SNTB1: variants seen among roughly 807,000 people sequenced by gnomAD.
SNTB1 encodes the protein beta-1-syntrophin.
Under a neutral mutation model 48.9 loss-of-function variants are expected in SNTB1, and 36 were observed. That is an observed-to-expected ratio of 0.74 (90% CI 0.56 to 0.97). The LOEUF is 0.97. SNTB1 is among the 50% of genes least tolerant of loss of function. The probability of loss-of-function intolerance (pLI) is 0.00; values close to 1 mark genes in which losing one functional copy is unlikely to be tolerated. For synonymous variants in SNTB1, 299 were observed against 294.6 expected (o/e 1.01, Z -0.15); for missense variants, 786 against 703.4 (o/e 1.12, Z -1.33).
At chr8:120,698,890 AAAAT>A (rs1818257352) in intron 1 of SNTB1, among the ~76,000 whole-genome samples, 1 of 152,232 alleles carries the variant, frequency 6.6e-6, no homozygotes, top group Non-Finnish European at 1.5e-5. Flanking sequence ...CCTGGCAATC[AAAAT>A]AGTTAGGATA....
chr8:120,616,501 T>TG (rs1265228982), intron 3 of SNTB1, among the ~76,000 whole-genome samples: 1 of 133,268 alleles, frequency 7.5e-6, no homozygotes, highest in Non-Finnish European at 1.6e-5. Context: ...TTTGTAAAAA[T>TG]GGGGGGCTCT....
At position 120,548,758 on chromosome 8, in the gene SNTB1, T is replaced by C. The variant is rs754671121; in HGVS notation, c.1333+4A>G. On this transcript the variant is annotated splice_donor_region_variant and intron_variant, in intron 5 of 6. Coordinates refer to ENST00000517992, the MANE Select transcript of SNTB1 (RefSeq NM_021021.4). ...TGTCCTTGGTAGCTCACTGCAGTACTCACCAGTGCTGATTTCAGCAATGAG... is the reference window on the plus strand; with the variant it reads ...TGTCCTTGGTAGCTCACTGCAGTACCCACCAGTGCTGATTTCAGCAATGAG... 1 of 1,613,220 alleles carries C rather than the reference T, an allele frequency of 6.2e-7. No homozygotes were observed. The highest frequency in any genetic ancestry group is 1.3e-5 in the African/African-American group (1 of 74,906).
At position 120,812,040 on chromosome 8, in the gene SNTB1, C is replaced by T; in HGVS notation, c.-197G>A. The T allele has an allele frequency of 8.0e-7, 1 of 1,255,808 alleles. No homozygotes were observed. Among genetic ancestry groups the T allele is most frequent in the Non-Finnish European group, 9.9e-7 (1 of 1,005,220 alleles). 77.8% of individuals were successfully genotyped at this position (1,255,808 alleles called of 1,614,324 possible). A position where few individuals can be genotyped will look rare whatever the true frequency, so the allele number is the denominator to read the frequency against. ...GCAGCTGCACTCAGGCTGGTTCCCC[C>T]TCGCCTGATCCTGACCGGGGTGGAG... On this transcript the variant is annotated 5_prime_UTR_variant, in exon 1 of 7. Coordinates refer to ENST00000517992, the MANE Select transcript of SNTB1 (RefSeq NM_021021.4).
chr8:120,811,546 C>T lies in SNTB1; in HGVS notation c.298G>A (p.Glu100Lys), dbSNP rs756642925. The T allele has an allele frequency of 6.2e-7, 1 of 1,602,054 alleles. No homozygotes were observed. The highest frequency in any genetic ancestry group is 1.3e-5 in the African/African-American group (1 of 74,654). Residue 100 changes from glutamate to lysine, a missense_variant, in exon 1 of 7, where the codon GAG becomes AAG. Transcript: ENST00000517992. ...TTCGAGATGGACTCGGGCACCTGCT[C>T]GGGCAGGTCGGTGAAAGCGGTGCGG... ...GVRTAFTDLP[E>K]QVPESISNQK...
chr8:120,753,888 G>GA lies in SNTB1; in HGVS notation c.571+57384dup, dbSNP rs1245104965. Among the ~76,000 whole-genome samples the GA allele has an allele frequency of 2.6e-5, 4 of 152,138 alleles. 1 individual carries two copies. Among genetic ancestry groups the GA allele is most frequent in the Admixed American group, 2.6e-4 (4 of 15,264 alleles). On this transcript the variant is annotated intron_variant, in intron 1 of 6. Transcript: ENST00000517992. Reference sequence around the variant, plus strand: ...ACAATGAATTTTTCCTAATCAAGCTGAAATATCAAAAGATAGGAGCGAATT... The same window carrying GA: ...ACAATGAATTTTTCCTAATCAAGCTGAAAATATCAAAAGATAGGAGCGAATT...
chr8:120,548,699 G>T lies in SNTB1; in HGVS notation c.1333+63C>A. 3 of 1,471,906 alleles carry T rather than the reference G, an allele frequency of 2.0e-6. No homozygotes were observed. In the South Asian group the frequency reaches 3.5e-5, roughly 17 times the overall value. The allele number at this position is 1,471,906 out of a possible 1,614,324, so 91.2% of individuals were successfully genotyped here. Reference sequence around the variant, plus strand: ...GTGATGAAAACTACTTTAAGGCCCCGGTGGAGTAGAGGGTTCATCTTCCCG... The same window carrying T: ...GTGATGAAAACTACTTTAAGGCCCCTGTGGAGTAGAGGGTTCATCTTCCCG... On this transcript the variant is annotated intron_variant, in intron 5 of 6. Coordinates refer to ENST00000517992, the MANE Select transcript of SNTB1 (RefSeq NM_021021.4).
At position 120,655,024 on chromosome 8, in the gene SNTB1, A is replaced by C. The variant is rs1278408676; in HGVS notation, c.789-22373T>G. On this transcript the variant is annotated intron_variant, in intron 2 of 6. Transcript: ENST00000517992. ...TCGCCTTCAGTTCCTCAAATCTGTGATTCCTATGGCTGATGAAAAATACTT... is the reference window on the plus strand; with the variant it reads ...TCGCCTTCAGTTCCTCAAATCTGTGCTTCCTATGGCTGATGAAAAATACTT... The C allele has an allele frequency of 1.1e-5, 5 of 455,846 alleles. No homozygotes were observed. The East Asian group carries it at 3.5e-4, about 32-fold the overall frequency. 28.2% of individuals were successfully genotyped at this position (455,846 alleles called of 1,614,324 possible).
intron 1 of SNTB1, among the ~76,000 whole-genome samples, chr8:120,762,594 T>C (rs1037840379): frequency 2.0e-5 from 3 of 152,176 alleles, no homozygotes; most frequent in African/African-American, 7.2e-5. Context: ...TGCCAACATG[T>C]TACTTTGCCA....
In SNTB1 at chr8:120,537,319, C is replaced by T. The variant is rs1815217703; in HGVS notation, c.*1558G>A. The T allele has an allele frequency of 6.6e-6, 1 of 152,096 alleles. No individual in the cohort carries two copies. Among genetic ancestry groups the T allele is most frequent in the Non-Finnish European group, 1.5e-5 (1 of 68,012 alleles). The allele number at this position is 152,096 out of a possible 1,614,324, so 9.4% of individuals were successfully genotyped here. On this transcript the variant is annotated 3_prime_UTR_variant, in exon 7 of 7. Transcript: ENST00000517992. Reference sequence around the variant, plus strand: ...GTGAAATCTATTTAACATTTTTCAGCTCAGTATTTAGTAAAGTGTATTAAC... The same window carrying T: ...GTGAAATCTATTTAACATTTTTCAGTTCAGTATTTAGTAAAGTGTATTAAC...
intron 2 of SNTB1, among the ~76,000 whole-genome samples, chr8:120,675,249 A>G (rs1817815300): frequency 6.6e-6 from 1 of 152,188 alleles, no homozygotes; most frequent in African/African-American, 2.4e-5. Flanking sequence ...AGGAAGAGAA[A>G]GAAAAAATTT....
At chr8:120,557,955 T>A (rs928556779) in intron 4 of SNTB1, among the ~76,000 whole-genome samples, 2 of 152,232 alleles carry the variant, frequency 1.3e-5, no homozygotes, top group Admixed American at 6.5e-5. Flanking sequence ...TATTTGTAGA[T>A]CATACTTGGA....
intron 1 of SNTB1, among the ~76,000 whole-genome samples, chr8:120,722,024 T>C (rs575914630): frequency 6.6e-6 from 1 of 152,240 alleles, no homozygotes; most frequent in South Asian, 2.1e-4. Context: ...TTGCTGAGAA[T>C]GATGGTTTCC....
At chr8:120,600,633 T>C (rs564481380) in intron 3 of SNTB1, among the ~76,000 whole-genome samples, 1 of 152,150 alleles carries the variant, frequency 6.6e-6, no homozygotes, top group African/African-American at 2.4e-5. Context: ...TTTTATTCCA[T>C]GTATCAATTT....
At chr8:120,733,489 C>T (rs1328938222) in intron 1 of SNTB1, among the ~76,000 whole-genome samples, 1 of 152,230 alleles carries the variant, frequency 6.6e-6, no homozygotes, top group East Asian at 1.9e-4. Flanking sequence ...CCAATTAAGC[C>T]AACCAAGTAA....
intron 3 of SNTB1, among the ~76,000 whole-genome samples, chr8:120,584,702 T>A (rs1231683787): frequency 6.6e-6 from 1 of 152,070 alleles, no homozygotes; most frequent in Non-Finnish European, 1.5e-5. Flanking sequence ...CCCCAGTACC[T>A]CAGAATGTGA....
intron 2 of SNTB1, among the ~76,000 whole-genome samples, chr8:120,640,329 G>T (rs1340970285): frequency 1.3e-5 from 2 of 150,764 alleles, no homozygotes; most frequent in East Asian, 3.9e-4. Context: ...TGCAAACAGG[G>T]ACAATTTGAC....
intron 1 of SNTB1, among the ~76,000 whole-genome samples, chr8:120,779,550 G>T (rs1185859729): frequency 6.6e-6 from 1 of 152,086 alleles, no homozygotes; most frequent in African/African-American, 2.4e-5. Flanking sequence ...AAAGTGGAGA[G>T]TTAGAAGCTG....
chr8:120,545,385 AC>A (rs1298534235), intron 5 of SNTB1, among the ~76,000 whole-genome samples: 1 of 152,090 alleles, frequency 6.6e-6, no homozygotes, highest in Non-Finnish European at 1.5e-5. Context: ...AGGAAGTTGC[AC>A]CCTGGCGTTA....
intron 2 of SNTB1, among the ~76,000 whole-genome samples, chr8:120,662,743 G>A (rs549910749): frequency 6.6e-6 from 1 of 152,158 alleles, no homozygotes; most frequent in South Asian, 2.1e-4. Context: ...TTTGTATGAG[G>A]GGTGTTTATC....
Sources: allele counts gnomAD v4.1 joint callset (sites outside exome capture counted in the v4.1 genomes callset), GRCh38; gene constraint gnomAD v4.1.1; transcripts MANE v1.5; gene names NCBI Gene and HGNC (gene_info 2026-07-23, HGNC 2026-07-21).